SLC4A10: variants seen among roughly 807,000 people sequenced by gnomAD.
SLC4A10 encodes the protein solute carrier family 4 member 10, also known as sodium-driven chloride bicarbonate exchanger.
A neutral mutation model predicts 137.7 loss-of-function variants in SLC4A10; 42 were observed. That is an observed-to-expected ratio of 0.30 (90% CI 0.24 to 0.39). SLC4A10 has a LOEUF of 0.39. Among genes scored for constraint, SLC4A10 ranks in the 10% least tolerant of loss-of-function variants. The probability of loss-of-function intolerance (pLI) is 1.00; values close to 1 mark genes in which losing one functional copy is unlikely to be tolerated. For synonymous variants in SLC4A10, 474 were observed against 464.1 expected (o/e 1.02, Z -0.27); for missense variants, 925 against 1,355.0 (o/e 0.68, Z 4.98).
At chr2:161,804,804 A>G (rs1483689806) in intron 3 of SLC4A10, among the ~76,000 whole-genome samples, 4 of 152,094 alleles carry the variant, frequency 2.6e-5, no homozygotes, top group Non-Finnish European at 5.9e-5. Flanking sequence ...ATTGATGAAG[A>G]TTTATGATAT....
intron 15 of SLC4A10, among the ~76,000 whole-genome samples, chr2:161,920,805 C>G (rs957376798): frequency 2.6e-5 from 4 of 152,208 alleles, no homozygotes; most frequent in Non-Finnish European, 5.9e-5. Flanking sequence ...GTTTACTGTT[C>G]TGTTCATACA....
chr2:161,957,450 A>C (rs569754288), intron 20 of SLC4A10, among the ~76,000 whole-genome samples: 74 of 152,318 alleles, frequency 4.9e-4, no homozygotes, highest in African/African-American at 1.6e-3. Flanking sequence ...ATAAAAATTT[A>C]GTCTGGCAAA....
intron 3 of SLC4A10, among the ~76,000 whole-genome samples, chr2:161,810,639 T>C (rs1433705549): frequency 1.3e-5 from 2 of 152,050 alleles, no homozygotes; most frequent in Non-Finnish European, 2.9e-5. Context: ...TGGTTTTGAT[T>C]TTGATTCTGT....
At position 161,693,763 on chromosome 2, in the gene SLC4A10, C is replaced by A. The variant is rs528590321; in HGVS notation, c.48+69197C>A. 2.0e-5 allele frequency among the ~76,000 whole-genome samples: 3 copies of A among 151,004 alleles called. No individual in the cohort carries two copies. The East Asian group carries it at 5.8e-4, about 29-fold the overall frequency. ...TTGGCTCATTTCACTTACCAAAATG[C>A]CCTTCAGGTTCATCCATGTTGTCTC... On this transcript the variant is annotated intron_variant, in intron 1 of 26. Coordinates refer to ENST00000446997, the MANE Select transcript of SLC4A10 (RefSeq NM_001178015.2).
chr2:161,694,506 C>CTATATA (rs2042303532), intron 1 of SLC4A10, among the ~76,000 whole-genome samples: 1 of 150,898 alleles, frequency 6.6e-6, no homozygotes, highest in Admixed American at 6.6e-5. Flanking sequence ...CTTTCTGTTT[C>CTATATA]TATATATACT....
At position 161,714,665 on chromosome 2, in the gene SLC4A10, G is replaced by A. The variant is rs184362898; in HGVS notation, c.49-56308G>A. On this transcript the variant is annotated intron_variant, in intron 1 of 26. Coordinates refer to ENST00000446997, the MANE Select transcript of SLC4A10 (RefSeq NM_001178015.2). ...CTACTGTATAACATGGAGGAAAGCT[G>A]TATACCACAGTAGCAAGGAGCTAGG... is the stretch of plus-strand genomic sequence containing the variant. Among the ~76,000 whole-genome samples, 266 of 152,044 alleles carry A rather than the reference G, an allele frequency of 1.7e-3. 1 individual carries two copies. The highest frequency in any genetic ancestry group is 2.9e-3 in the Non-Finnish European group (199 of 67,908).
chr2:161,975,334 A>G (rs1699223389), intron 24 of SLC4A10, among the ~76,000 whole-genome samples: 1 of 152,216 alleles, frequency 6.6e-6, no homozygotes, highest in Non-Finnish European at 1.5e-5. Context: ...GTGGTTAAAT[A>G]AGTTTGAAAA....
chr2:161,719,491 T>G (rs886588936), intron 1 of SLC4A10, among the ~76,000 whole-genome samples: 2 of 152,196 alleles, frequency 1.3e-5, no homozygotes, highest in African/African-American at 2.4e-5. Flanking sequence ...ACTTCCACAA[T>G]GGTTGAACTA....
chr2:161,753,950 C>T (rs188306701), intron 1 of SLC4A10, among the ~76,000 whole-genome samples: 22 of 151,388 alleles, frequency 1.5e-4, no homozygotes, highest in Middle Eastern at 3.4e-3. Flanking sequence ...AGTGCAGTGG[C>T]GCAATCTTGG....
In SLC4A10 at chr2:161,894,757, A is replaced by G; in HGVS notation, c.1273A>G (p.Thr425Ala). The change falls in exon 11 of 27, where the codon ACT becomes GCT. Residue 425 changes from threonine (T) to alanine (A), a missense_variant. Around this residue, in one of 11 missense-constraint regions of SLC4A10, gnomAD observed 15 missense variants for 49.1 expected, o/e 0.31. Transcript: ENST00000446997. ...SGIDEFLDQV[T>A]VLPPGEWDPS... ...AATTGATGAGTTTCTGGATCAGGTT[A>G]CTGTTCTCCCTCCTGGAGAATGGGA... is the stretch of plus-strand genomic sequence containing the variant. 1.4e-6 allele frequency: 2 copies of G among 1,443,998 alleles called. No individual in the cohort carries two copies. The highest frequency in any genetic ancestry group is 1.8e-6 in the Non-Finnish European group (2 of 1,087,948). The allele number at this position is 1,443,998 out of a possible 1,614,324, so 89.4% of individuals were successfully genotyped here. A position where few individuals can be genotyped will look rare whatever the true frequency, so the allele number is the denominator to read the frequency against.
intron 3 of SLC4A10, among the ~76,000 whole-genome samples, chr2:161,831,822 C>T (rs1575174747): frequency 6.6e-6 from 1 of 152,092 alleles, no homozygotes; most frequent in East Asian, 1.9e-4. Context: ...CAACAAAAAG[C>T]TTTTAATTCA....
chr2:161,786,478 C>T (rs906368019), intron 2 of SLC4A10, among the ~76,000 whole-genome samples: 2 of 151,684 alleles, frequency 1.3e-5, no homozygotes, highest in Non-Finnish European at 2.9e-5. Context: ...GCTTTGTAGT[C>T]TCAGTGGTGT....
At chr2:161,655,938 T>C (rs568670718) in intron 1 of SLC4A10, among the ~76,000 whole-genome samples, 1 of 151,720 alleles carries the variant, frequency 6.6e-6, no homozygotes, top group South Asian at 2.1e-4. Flanking sequence ...CCCAGCCTCC[T>C]GAGTAGATGG....
At chr2:161,817,967 T>C (rs1436151885) in intron 3 of SLC4A10, among the ~76,000 whole-genome samples, 200 of 140,640 alleles carry the variant, frequency 1.4e-3, no homozygotes, top group East Asian at 3.4e-3. Flanking sequence ...ATGTGGGTTC[T>C]TTTTTGGTTC....
In SLC4A10 at chr2:161,934,883, G is replaced by A. The variant is rs114623206; in HGVS notation, c.1998-7909G>A. 6.3e-3 allele frequency among the ~76,000 whole-genome samples: 954 copies of A among 151,780 alleles called. 8 individuals are homozygous for A. The highest frequency in any genetic ancestry group is 0.022 in the African/African-American group (909 of 41,390). On this transcript the variant is annotated intron_variant, in intron 15 of 26. Transcript: ENST00000446997. ...TGTAAATATTTTATCTCATTCCATA[G>A]GTTGTATATTCACTCTGCTGATTAT...
intron 3 of SLC4A10, among the ~76,000 whole-genome samples, chr2:161,817,537 A>G (rs1348312678): frequency 2.0e-5 from 3 of 152,084 alleles, no homozygotes; most frequent in East Asian, 3.9e-4. Context: ...TTGGTGTTTT[A>G]GACATGAAGT....
intron 3 of SLC4A10, among the ~76,000 whole-genome samples, chr2:161,817,163 A>G (rs1394840155): frequency 1.3e-5 from 2 of 152,070 alleles, no homozygotes; most frequent in African/African-American, 4.8e-5. Context: ...CTTTTTAATG[A>G]TTGCCATTCT....
intron 15 of SLC4A10, among the ~76,000 whole-genome samples, chr2:161,929,606 C>T (rs1309239413): frequency 6.6e-6 from 1 of 152,156 alleles, no homozygotes; most frequent in Non-Finnish European, 1.5e-5. Flanking sequence ...AACCAGCCAG[C>T]TAGGTCATTT....
At chr2:161,815,700 G>T (rs998229656) in intron 3 of SLC4A10, among the ~76,000 whole-genome samples, 1 of 151,926 alleles carries the variant, frequency 6.6e-6, no homozygotes, top group Non-Finnish European at 1.5e-5. Context: ...ATTAATCTTG[G>T]GTGTTTCCCT....
Sources: allele counts gnomAD v4.1 joint callset (sites outside exome capture counted in the v4.1 genomes callset), GRCh38; gene constraint gnomAD v4.1.1; regional missense constraint gnomAD v4.1.1; transcripts MANE v1.5; gene names NCBI Gene and HGNC (gene_info 2026-07-23, HGNC 2026-07-21).